The following ADARB2 variants were observed in gnomAD, a reference collection of about 807,000 sequenced individuals.
The protein encoded by ADARB2 is adenosine deaminase RNA specific B2 (inactive).
ADARB2 carries 25 observed loss-of-function variants against 62.2 expected under a neutral mutation model. That is an observed-to-expected ratio of 0.40 (90% CI 0.29 to 0.56). The LOEUF is 0.56. Among genes scored for constraint, ADARB2 ranks in the 20% least tolerant of loss-of-function variants. The probability of loss-of-function intolerance (pLI) is 0.43; values close to 1 mark genes in which losing one functional copy is unlikely to be tolerated. For missense variants in ADARB2, 1,071 were observed against 1,077.4 expected (o/e 0.99, Z 0.08); for synonymous variants, 572 against 500.8 (o/e 1.14, Z -1.90).
chr10:1,411,460 T>G (rs1486308970), intron 1 of ADARB2, among the ~76,000 whole-genome samples: 1 of 152,254 alleles, frequency 6.6e-6, no homozygotes, highest in African/African-American at 2.4e-5. Flanking sequence ...AATGTTCTCC[T>G]AACTCTTACC....
At chr10:1,706,893 T>C (rs1261221039) in intron 1 of ADARB2, among the ~76,000 whole-genome samples, 1 of 28,830 alleles carries the variant, frequency 3.5e-5, no homozygotes, top group Non-Finnish European at 1.2e-4. Flanking sequence ...CGGCAGGAAG[T>C]GGGGTTTTTG....
At chr10:1,731,145 C>G (rs1242733213) in intron 1 of ADARB2, among the ~76,000 whole-genome samples, 1 of 152,120 alleles carries the variant, frequency 6.6e-6, no homozygotes, top group Non-Finnish European at 1.5e-5. Context: ...GAAAAGCAAA[C>G]ATGTCAGTTT....
At chr10:1,196,620 A>G (rs1160665392) in intron 8 of ADARB2, among the ~76,000 whole-genome samples, 6 of 152,236 alleles carry the variant, frequency 3.9e-5, no homozygotes, top group Non-Finnish European at 5.9e-5. Flanking sequence ...AAGTTTTTCA[A>G]TAATTTTATA....
chr10:1,453,413 G>T (rs1287409419), intron 1 of ADARB2, among the ~76,000 whole-genome samples: 1 of 152,092 alleles, frequency 6.6e-6, no homozygotes, highest in African/African-American at 2.4e-5. Context: ...TTAGATCTTT[G>T]ATCCATGTTG....
At chr10:1,462,139 G>A (rs982423265) in intron 1 of ADARB2, among the ~76,000 whole-genome samples, 6 of 151,996 alleles carry the variant, frequency 3.9e-5, no homozygotes, top group Admixed American at 2.6e-4. Context: ...GCCATTCCCC[G>A]CTCAGCCCTG....
chr10:1,359,771 C>T (rs1431091713), intron 3 of ADARB2, among the ~76,000 whole-genome samples: 4 of 152,206 alleles, frequency 2.6e-5, no homozygotes, highest in African/African-American at 4.8e-5. Context: ...TGACAAGCTC[C>T]AGCCGCAGTG....
chr10:1,693,193 GT>G (rs1834695083), intron 1 of ADARB2, among the ~76,000 whole-genome samples: 1 of 152,192 alleles, frequency 6.6e-6, no homozygotes, highest in African/African-American at 2.4e-5. Flanking sequence ...TCCGGGGAGA[GT>G]AAAAGCCTGG....
At chr10:1,547,613 G>T (rs80163091) in intron 1 of ADARB2, among the ~76,000 whole-genome samples, 6 of 35,962 alleles carry the variant, frequency 1.7e-4, no homozygotes, top group African/African-American at 3.7e-4. Flanking sequence ...GTGTTGAGGG[G>T]AGAGGCTGCA....
intron 3 of ADARB2, among the ~76,000 whole-genome samples, chr10:1,277,238 G>A (rs960682379): frequency 3.9e-5 from 6 of 152,044 alleles, no homozygotes; most frequent in African/African-American, 1.4e-4. Flanking sequence ...CTAGCAGAAG[G>A]CAAGAAATAA....
chr10:1,611,881 T>C (rs768107459), intron 1 of ADARB2, among the ~76,000 whole-genome samples: 2 of 152,124 alleles, frequency 1.3e-5, no homozygotes, highest in Non-Finnish European at 2.9e-5. Flanking sequence ...CCCTGGACCA[T>C]GCACCCCAGA....
intron 1 of ADARB2, among the ~76,000 whole-genome samples, chr10:1,532,999 G>A (rs1175572187): frequency 1.3e-5 from 2 of 152,202 alleles, no homozygotes; most frequent in Non-Finnish European, 2.9e-5. Context: ...TGTTACTCCA[G>A]GGGAAGGACA....
At chr10:1,361,800 G>A (rs1251994305) in intron 3 of ADARB2, among the ~76,000 whole-genome samples, 2 of 152,208 alleles carry the variant, frequency 1.3e-5, no homozygotes, top group Non-Finnish European at 2.9e-5. Flanking sequence ...TAGGTGTTGT[G>A]ATGTAACAAT....
chr10:1,544,956 T>TACCACACACACACACACACAC (rs1832496716), intron 1 of ADARB2, among the ~76,000 whole-genome samples: 2 of 133,848 alleles, frequency 1.5e-5, no homozygotes, highest in African/African-American at 2.7e-5. Flanking sequence ...TAGCAAAGTA[T>TACCACACACACACACACACAC]ACACACACAC....
At chr10:1,246,963 G>A (rs1830991424) in intron 4 of ADARB2, among the ~76,000 whole-genome samples, 1 of 152,112 alleles carries the variant, frequency 6.6e-6, no homozygotes, top group South Asian at 2.1e-4. Flanking sequence ...TCCCACCCAT[G>A]AGCATGGAAT....
chr10:1,424,480 G>A (rs1409073916), intron 1 of ADARB2, among the ~76,000 whole-genome samples: 2 of 152,136 alleles, frequency 1.3e-5, no homozygotes, highest in African/African-American at 4.8e-5. Flanking sequence ...GATTCTCGCG[G>A]ATATTTACAA....
intron 1 of ADARB2, among the ~76,000 whole-genome samples, chr10:1,436,134 A>AT (rs1206134512): frequency 2.0e-5 from 3 of 151,960 alleles, no homozygotes; most frequent in Non-Finnish European, 4.4e-5. Flanking sequence ...TGTGTACGTG[A>AT]TATGTGTTTG....
intron 1 of ADARB2, among the ~76,000 whole-genome samples, chr10:1,681,219 G>A (rs1402648927): frequency 6.6e-6 from 1 of 152,188 alleles, no homozygotes; most frequent in African/African-American, 2.4e-5. Context: ...TGCTCAGGGA[G>A]AAAAAGTTTA....
In ADARB2 at chr10:1,192,823, G is replaced by A. The variant is rs752161922; in HGVS notation, c.1864+7143C>T. 1.6e-4 allele frequency among the ~76,000 whole-genome samples: 24 copies of A among 152,220 alleles called. 1 individual carries two copies. The highest frequency in any genetic ancestry group is 3.4e-4 in the Non-Finnish European group (23 of 68,038). ...GCCAGCCTGGTGGCGGGTGCCTGTA[G>A]TCCCAGCTACTTGGGAGTCTGAGGC... is the stretch of plus-strand genomic sequence containing the variant. On this transcript the variant is annotated intron_variant, in intron 8 of 9. Coordinates refer to ENST00000381312, the MANE Select transcript of ADARB2 (RefSeq NM_018702.4).
intron 1 of ADARB2, among the ~76,000 whole-genome samples, chr10:1,639,923 G>A (rs764427511): frequency 1.3e-5 from 2 of 152,090 alleles, no homozygotes; most frequent in Non-Finnish European, 2.9e-5. Context: ...AGGCCAAGCC[G>A]CAAAGCCATG....
Sources: allele counts gnomAD v4.1 joint callset (sites outside exome capture counted in the v4.1 genomes callset), GRCh38; gene constraint gnomAD v4.1.1; transcripts MANE v1.5; gene names NCBI Gene and HGNC (gene_info 2026-07-23, HGNC 2026-07-21).